The following TCTN2 variants were observed in gnomAD, a reference collection of about 807,000 sequenced individuals.
TCTN2 encodes tectonic-2.
Under a neutral mutation model 83.4 loss-of-function variants are expected in TCTN2, and 66 were observed. The observed-to-expected ratio is 0.79, with a 90% CI of 0.65 to 0.97. The LOEUF (loss-of-function observed/expected upper bound fraction) is 0.97, where lower values mean the gene tolerates loss of function less well. Among genes scored for constraint, TCTN2 ranks in the 50% least tolerant of loss-of-function variants. The pLI, the probability that TCTN2 is intolerant of heterozygous loss-of-function variation, is 0.00. For synonymous variants in TCTN2, 301 were observed against 326.7 expected (o/e 0.92, Z 0.85); for missense variants, 794 against 858.1 (o/e 0.93, Z 0.93).
Position 123,708,007 on chromosome 12 carries a change from CTT to C in TCTN2, c.*316_*317del, listed in dbSNP as rs983291114. The C allele has an allele frequency of 0.046, 9,721 of 209,304 alleles. 1 individual carries two copies. The highest frequency in any genetic ancestry group is 0.086 in the South Asian group (1,739 of 20,146). The allele number at this position is 209,304 out of a possible 1,614,324, so 13.0% of individuals were successfully genotyped here. A position where few individuals can be genotyped will look rare whatever the true frequency, so the allele number is the denominator to read the frequency against. Reference sequence around the variant, plus strand: ...ACAGGCATGAGCCACCGCACCCGGCCTTTTTTTTTTTTTTTTTTTTTTTGAGG... The same window carrying C: ...ACAGGCATGAGCCACCGCACCCGGCCTTTTTTTTTTTTTTTTTTTTTGAGG... On this transcript the variant is annotated 3_prime_UTR_variant, in exon 18 of 18. Transcript: ENST00000303372.
At chr12:123,696,878 T>G in intron 12 of TCTN2, 1 of 571,768 alleles carries the variant, frequency 1.7e-6, no homozygotes, top group South Asian at 2.0e-5. Flanking sequence ...GCAGTGTCAC[T>G]TCTGAAGAAA....
chr12:123,704,724 G>A (rs1214097412), intron 15 of TCTN2, 36 bp downstream of exon 15: 2 of 1,612,208 alleles, frequency 1.2e-6, no homozygotes, highest in African/African-American at 1.3e-5. Context: ...AGTTTAGAGA[G>A]AGTCAGGAAA....
At position 123,690,678 on chromosome 12, in the gene TCTN2, T is replaced by C. The variant is rs1049085620; in HGVS notation, c.1033+4T>C. On this transcript the variant is annotated splice_donor_region_variant and intron_variant, in intron 8 of 17. Transcript: ENST00000303372. ...ATAAAGAATGTTGCCTTAGGAGGTA[T>C]GTTACATTTCTTTGAAAAAAGAACA... 7 of 1,614,080 alleles carry C rather than the reference T, an allele frequency of 4.3e-6. No individual in the cohort carries two copies. The highest frequency in any genetic ancestry group is 2.2e-5 in the East Asian group (1 of 44,888).
Position 123,707,672 on chromosome 12 carries a change from C to T in TCTN2, c.2053C>T (p.Leu685Phe), listed in dbSNP as rs1277914652. 6.2e-7 allele frequency: 1 copy of T among 1,614,194 alleles called. No homozygotes were observed. Among genetic ancestry groups the T allele is most frequent in the African/African-American group, 1.3e-5 (1 of 75,058 alleles). The stretch of plus-strand genomic sequence containing the variant: ...GTTGTTCCTCACATTGGCCTTGTTC[C>T]TCAGCAACCCCTGGACCAGAATATG... ...LLLFLTLALF[L>F]SNPWTRICKA... is the part of the protein sequence containing the mutation. The change falls in exon 18 of 18, where the codon CTC becomes TTC. Residue 685 changes from leucine (L) to phenylalanine (F), a missense_variant. Transcript: ENST00000303372.
intron 4 of TCTN2, among the ~76,000 whole-genome samples, chr12:123,674,526 C>T (rs930452540): frequency 7.2e-5 from 11 of 152,200 alleles, no homozygotes; most frequent in African/African-American, 2.2e-4. Flanking sequence ...CCTCGGCCTC[C>T]CAAAGTGCTG....
intron 14 of TCTN2, among the ~76,000 whole-genome samples, chr12:123,702,449 C>G (rs1313141662): frequency 6.9e-6 from 1 of 145,450 alleles, no homozygotes; most frequent in Non-Finnish European, 1.5e-5. Context: ...CTCCCTTCCC[C>G]CTCTTGGTCA....
At position 123,708,215 on chromosome 12, in the gene TCTN2, A is replaced by C; in HGVS notation, c.*502A>C. 6.0e-6 allele frequency: 1 copy of C among 167,766 alleles called. No homozygotes were observed. 10.4% of individuals were successfully genotyped at this position (167,766 alleles called of 1,614,324 possible). On this transcript the variant is annotated 3_prime_UTR_variant, in exon 18 of 18. Transcript: ENST00000303372. ...GCCTTGTTGCCCAGGGTGGTCTGTA[A>C]CTCCTGAGCTCAGATGATCTGCCCA...
intron 4 of TCTN2, among the ~76,000 whole-genome samples, chr12:123,678,650 T>A (rs1048953089): frequency 2.0e-5 from 3 of 152,154 alleles, no homozygotes; most frequent in African/African-American, 7.2e-5. Context: ...ATCTTCTAGA[T>A]CAACTATGAC....
chr12:123,688,174 G>T lies in TCTN2; in HGVS notation c.888G>T (p.Pro296=). 6.2e-7 allele frequency: 1 copy of T among 1,611,698 alleles called. No homozygotes were observed. The highest frequency in any genetic ancestry group is 1.1e-5 in the South Asian group (1 of 91,026). The part of the protein sequence containing the change: ...MTVKKAYFTI[P]QVSLAGQCMQ... ...TAAAGAAGGCATATTTTACTATTCC[G>T]CAGGTAATCGTTGCAATATTAGTAT... Residue 296 remains proline (P), a synonymous_variant, in exon 7 of 18, where the codon CCG becomes CCT. Transcript: ENST00000303372.
At chr12:123,697,337 A>AT in intron 13 of TCTN2, 139 bp downstream of exon 13, 1 of 719,884 alleles carries the variant, frequency 1.4e-6, no homozygotes, top group Non-Finnish European at 2.5e-6. Context: ...AAATACAGAC[A>AT]TGTAATACAA....
Position 123,673,825 on chromosome 12 carries a change from T to C in TCTN2, c.463+15T>C, listed in dbSNP as rs1955786950. On this transcript the variant is annotated intron_variant, in intron 4 of 17. Transcript: ENST00000303372. Reference sequence around the variant, plus strand: ...TAATGCCTCAGGCAAGTGAAGTCTTTGACTGTCAAAACTTTCATGTTGTTC... The same window carrying C: ...TAATGCCTCAGGCAAGTGAAGTCTTCGACTGTCAAAACTTTCATGTTGTTC... 6.2e-7 allele frequency: 1 copy of C among 1,612,984 alleles called. No individual in the cohort carries two copies. Among genetic ancestry groups the C allele is most frequent in the Non-Finnish European group, 8.5e-7 (1 of 1,178,960 alleles).
intron 12 of TCTN2, 174 bp from the exon 13 acceptor site, chr12:123,696,913 T>C: frequency 1.6e-6 from 1 of 613,958 alleles, no homozygotes; most frequent in South Asian, 1.9e-5. Flanking sequence ...CTGAGAAGTC[T>C]GATAAAGGCA....
chr12:123,699,077 G>GT (rs1465414827), intron 13 of TCTN2, among the ~76,000 whole-genome samples: 46 of 152,096 alleles, frequency 3.0e-4, no homozygotes, highest in African/African-American at 1.1e-3. Flanking sequence ...AACTTGATGT[G>GT]TGCTCTAACT....
Position 123,672,128 on chromosome 12 carries a change from G to C in TCTN2, c.263G>C (p.Gly88Ala), listed in dbSNP as rs1284412327. 3 of 1,614,120 alleles carry C rather than the reference G, an allele frequency of 1.9e-6. No homozygotes were observed. The highest frequency in any genetic ancestry group is 1.7e-5 in the Admixed American group (1 of 60,020). ...GACTGGAGCGTGACTGTGATCCCCG[G>C]TGCGGTAAGGCCAGAAGTAAACCTT... ...TEDWSVTVIP[G>A]AKVLEVTVRW... The change falls in exon 3 of 18, where the codon GGT becomes GCT. Residue 88 changes from glycine to alanine, a missense_variant. Transcript: ENST00000303372.
At chr12:123,706,938 G>A in intron 16 of TCTN2, 47 bp from the exon 17 acceptor site, 1 of 1,613,276 alleles carries the variant, frequency 6.2e-7, no homozygotes, top group Non-Finnish European at 8.5e-7. Flanking sequence ...ATCAAGTTCT[G>A]ATACTTCTCA....
intron 17 of TCTN2, chr12:123,707,342 GT>G (rs1196302169): frequency 1.6e-6 from 1 of 614,906 alleles, no homozygotes; most frequent in Admixed American, 2.7e-5. Context: ...TGCCTCCTGG[GT>G]TCAGACAACT....
intron 12 of TCTN2, 27 bp from the exon 13 acceptor site, chr12:123,697,060 C>T (rs745473973): frequency 6.4e-7 from 1 of 1,555,794 alleles, no homozygotes; most frequent in Non-Finnish European, 8.9e-7. Context: ...CAAAAAGTAG[C>T]AAGAGGATAA....
intron 3 of TCTN2, among the ~76,000 whole-genome samples, chr12:123,672,641 T>G (rs7313140): frequency 0.43 from 64,654 of 151,230 alleles, 14,942 homozygotes; most frequent in African/African-American, 0.59. Context: ...GGGGGTGGGG[T>G]AGCTGAGGCA....
rs1019335435 is a variant in TCTN2, at chr12:123,707,930, G to A, written c.*217G>A. ...CCACCGTATTGGCCAGGCTGCTCTC[G>A]AACTCCTGACCTCATGATCCGCCCA... On this transcript the variant is annotated 3_prime_UTR_variant, in exon 18 of 18. Coordinates refer to ENST00000303372, the MANE Select transcript of TCTN2 (RefSeq NM_024809.5). 13 of 526,608 alleles carry A rather than the reference G, an allele frequency of 2.5e-5. No individual in the cohort carries two copies. In the Admixed American group the frequency reaches 3.2e-4, roughly 13 times the overall value. 32.6% of individuals were successfully genotyped at this position (526,608 alleles called of 1,614,324 possible). A position where few individuals can be genotyped will look rare whatever the true frequency, so the allele number is the denominator to read the frequency against.
Sources: allele counts gnomAD v4.1 joint callset (sites outside exome capture counted in the v4.1 genomes callset), GRCh38; gene constraint gnomAD v4.1.1; transcripts MANE v1.5; gene names NCBI Gene and HGNC (gene_info 2026-07-23, HGNC 2026-07-21).